The following PICK1 variants were observed in gnomAD, a reference collection of about 807,000 sequenced individuals.
PICK1 encodes PRKCA-binding protein.
Under a neutral mutation model 48.9 loss-of-function variants are expected in PICK1, and 23 were observed. That is an observed-to-expected ratio of 0.47 (90% CI 0.34 to 0.67). The LOEUF (loss-of-function observed/expected upper bound fraction) is 0.67, where lower values mean the gene tolerates loss of function less well. PICK1 is among the 30% of genes least tolerant of loss of function. The pLI, the probability that PICK1 is intolerant of heterozygous loss-of-function variation, is 0.01. For synonymous variants in PICK1, 217 were observed against 228.2 expected (o/e 0.95, Z 0.44); for missense variants, 423 against 557.1 (o/e 0.76, Z 2.42).
At chr22:38,069,182 G>C (rs2145874889) in intron 6 of PICK1, 60 bp downstream of exon 6, 1 of 1,265,886 alleles carries the variant, frequency 7.9e-7, no homozygotes, top group South Asian at 1.3e-5. Flanking sequence ...GAGAAGAGTG[G>C]GGGGCACCAT....
intron 6 of PICK1, 115 bp from the exon 7 acceptor site, chr22:38,070,723 G>A (rs1255024105): frequency 1.1e-6 from 1 of 886,192 alleles, no homozygotes; most frequent in Non-Finnish European, 1.9e-6. Context: ...TGGGACCCCT[G>A]ATCTTTCCCT....
At chr22:38,072,388 G>C (rs1434040794) in intron 8 of PICK1, 89 bp from the exon 9 acceptor site, 1 of 1,510,702 alleles carries the variant, frequency 6.6e-7, no homozygotes, top group Admixed American at 1.8e-5. Flanking sequence ...CAGCCTGCCA[G>C]GCCCCCTGCC....
rs745458781 is a variant in PICK1, at chr22:38,072,485, G to T, written c.565G>T (p.Asp189Tyr). The T allele has an allele frequency of 1.9e-6, 3 of 1,613,106 alleles. No homozygotes were observed. The highest frequency in any genetic ancestry group is 3.3e-5 in the Admixed American group (2 of 60,024). Residue 189 changes from aspartate to tyrosine, a missense_variant, in exon 9 of 13, where the codon GAC (aspartate) becomes TAC (tyrosine). This residue lies in a region of PICK1 where 279 missense variants were observed against 417.8 expected (regional missense o/e 0.67). Transcript: ENST00000356976. ...GCAAACTTGTCCTGCAGCCTTTGGG[G>T]ACGTGTTCTCCGTGATCGGGGTGCG... ...ELSQTHRAFGDVFSVIGVREP... is the reference protein window; with the variant it reads ...ELSQTHRAFGYVFSVIGVREP...
rs1301048386 is a variant in PICK1 at position 38,075,576 on chromosome 22, C to T, written c.*444C>T. Reference sequence around the variant, plus strand: ...TGGGCACCCTTGCCTCGCCCCAGACCGGCCCGTCCAGTCCCCATCACACCT... The same window carrying T: ...TGGGCACCCTTGCCTCGCCCCAGACTGGCCCGTCCAGTCCCCATCACACCT... On this transcript the variant is annotated 3_prime_UTR_variant, in exon 13 of 13. Transcript: ENST00000356976. The T allele has an allele frequency of 2.3e-5, 4 of 177,564 alleles. No individual in the cohort carries two copies. Among genetic ancestry groups the T allele is most frequent in the Admixed American group, 5.4e-5 (1 of 18,426 alleles). The allele number at this position is 177,564 out of a possible 1,614,324, so 11.0% of individuals were successfully genotyped here. A position where few individuals can be genotyped will look rare whatever the true frequency, so the allele number is the denominator to read the frequency against.
chr22:38,063,232 C>T (rs1310744382), intron 3 of PICK1, among the ~76,000 whole-genome samples: 1 of 151,982 alleles, frequency 6.6e-6, no homozygotes, highest in Middle Eastern at 3.4e-3. Context: ...TCATGGCTCA[C>T]TGCAGCCTCA....
chr22:38,060,892 G>A (rs940975140), intron 3 of PICK1, among the ~76,000 whole-genome samples: 4 of 151,890 alleles, frequency 2.6e-5, no homozygotes, highest in African/African-American at 9.7e-5. Flanking sequence ...GGTATTACAG[G>A]TGTGCGCCAT....
Position 38,075,140 on chromosome 22 carries a change from G to A in PICK1, c.*8G>A, listed in dbSNP as rs377080218. 1.2e-3 allele frequency: 1,983 copies of A among 1,605,782 alleles called. 49 individuals carry two copies. In the South Asian group the frequency reaches 0.02, roughly 17 times the overall value. ...AGCTGGTGTGACTCCTGAGTGCCCCGCGGCTGTGGTGCCGGGGGCAGGGTG... is the reference window on the plus strand; with the variant it reads ...AGCTGGTGTGACTCCTGAGTGCCCCACGGCTGTGGTGCCGGGGGCAGGGTG... On this transcript the variant is annotated 3_prime_UTR_variant, in exon 13 of 13. Transcript: ENST00000356976.
rs1215378407 is a variant in PICK1 at position 38,066,302 on chromosome 22, G to C, written c.282+1172G>C. On this transcript the variant is annotated intron_variant, in intron 4 of 12. Coordinates refer to ENST00000356976, the MANE Select transcript of PICK1 (RefSeq NM_012407.4). The surrounding 1 kb of genome is among the most constrained non-coding windows in gnomAD (Gnocchi z 4.1). ...AGGTGCAGGGGGTCTCGTTCTGGCC[G>C]AGTTGGGTTGTGTGTGCCCCATTTG... is the stretch of plus-strand genomic sequence containing the variant. Among the ~76,000 whole-genome samples, 1 of 152,182 alleles carries C rather than the reference G, an allele frequency of 6.6e-6. No individual in the cohort carries two copies. Among genetic ancestry groups the C allele is most frequent in the African/African-American group, 2.4e-5 (1 of 41,442 alleles).
Position 38,075,106 on chromosome 22 carries a change from A to G in PICK1, c.1222A>G (p.Lys408Glu). ...DTRGAAGPLD[K>E]GGSWCDS ...ACGAGGGGCTGCTGGGCCCTTGGAC[A>G]AGGGTGGAAGCTGGTGTGACTCCTG... The change falls in exon 13 of 13, where the codon AAG becomes GAG. Residue 408 changes from lysine (K) to glutamate (E), a missense_variant. Coordinates refer to ENST00000356976, the MANE Select transcript of PICK1 (RefSeq NM_012407.4). 1 of 1,612,294 alleles carries G rather than the reference A, an allele frequency of 6.2e-7. No homozygotes were observed. Among genetic ancestry groups the G allele is most frequent in the Non-Finnish European group, 8.5e-7 (1 of 1,179,880 alleles).
intron 2 of PICK1, chr22:38,058,114 GC>G (rs764001115): frequency 3.7e-6 from 2 of 540,086 alleles, no homozygotes; most frequent in Non-Finnish European, 6.7e-6. Flanking sequence ...CAGTGCTTCT[GC>G]TGGGATGGTC....
At chr22:38,057,951 A>T in intron 2 of PICK1, 101 bp downstream of exon 2, 1 of 974,020 alleles carries the variant, frequency 1.0e-6, no homozygotes, top group South Asian at 1.3e-5. Flanking sequence ...TCAGCGGTGG[A>T]TCAGTTGTTG....
Position 38,075,060 on chromosome 22 carries a change from T to C in PICK1, c.1176T>C (p.Ala392=), listed in dbSNP as rs1194226484. 1 of 1,612,846 alleles carries C rather than the reference T, an allele frequency of 6.2e-7. No individual in the cohort carries two copies. The highest frequency in any genetic ancestry group is 1.3e-5 in the African/African-American group (1 of 74,898). The stretch of plus-strand genomic sequence containing the variant: ...AGGAGGAGGAGGAAGACACGGCAGC[T>C]GGGGAGCCGTCCAGGGATACACGAG... ...EEEEEEEDTA[A]GEPSRDTRGA... is the part of the protein sequence containing the mutation. Residue 392 remains alanine, a synonymous_variant, in exon 13 of 13, where the codon GCT becomes GCC. Coordinates refer to ENST00000356976, the MANE Select transcript of PICK1 (RefSeq NM_012407.4).
chr22:38,068,395 G>T (rs12159858), intron 5 of PICK1, among the ~76,000 whole-genome samples: 2,740 of 152,278 alleles, frequency 0.018, 74 homozygotes, highest in African/African-American at 0.063. Flanking sequence ...CAGAGAGGGC[G>T]CTGCAGCCCC....
intron 4 of PICK1, chr22:38,067,487 T>C (rs920760515): frequency 1.2e-5 from 6 of 511,510 alleles, no homozygotes; most frequent in African/African-American, 1.2e-4. Context: ...TTTTGTATTT[T>C]TAATAGAGAT....
intron 8 of PICK1, 57 bp from the exon 9 acceptor site, chr22:38,072,420 C>T (rs2085720015): frequency 6.3e-7 from 1 of 1,596,850 alleles, no homozygotes; most frequent in Admixed American, 1.7e-5. Context: ...CAACAAACCC[C>T]TGGCTTCTCT....
chr22:38,072,272 G>A (rs994519140), intron 8 of PICK1, among the ~76,000 whole-genome samples: 5 of 152,196 alleles, frequency 3.3e-5, no homozygotes, highest in Non-Finnish European at 5.9e-5. Context: ...GCACAGACCA[G>A]CTCTTGGAGG....
At chr22:38,072,012 C>A in intron 8 of PICK1, 1 of 543,458 alleles carries the variant, frequency 1.8e-6, no homozygotes, top group Non-Finnish European at 3.3e-6. Context: ...ATATTTCTGA[C>A]AACCTGTAAC....
intron 9 of PICK1, 115 bp downstream of exon 9, chr22:38,072,725 G>C (rs1009090304): frequency 2.6e-5 from 38 of 1,449,806 alleles, no homozygotes; most frequent in Non-Finnish European, 3.5e-5. Flanking sequence ...CTCTGGCTCA[G>C]TCACCCACAC....
chr22:38,073,865 C>G lies in PICK1; in HGVS notation c.834+42C>G. 3.8e-6 allele frequency: 6 copies of G among 1,597,262 alleles called. No individual in the cohort carries two copies. The highest frequency in any genetic ancestry group is 5.1e-6 in the Non-Finnish European group (6 of 1,165,340). On this transcript the variant is annotated intron_variant, in intron 11 of 12. Transcript: ENST00000356976. This position sits in a 1 kb window ranked among gnomAD's most constrained non-coding sequence, Gnocchi z 5.7. The stretch of plus-strand genomic sequence containing the variant: ...GTGGGGGGCTTGTACTTCCCCCCAC[C>G]TGGTCTGCCAGGGATAGCAGGTGGC...
Sources: gnomAD v4.1 joint callset for allele counts (sites outside exome capture counted in the v4.1 genomes callset) on GRCh38, gnomAD v4.1.1 for gene constraint, gnomAD v4.1.1 regional missense constraint, Gnocchi (gnomAD v3.1) non-coding constraint, MANE v1.5 for transcripts, NCBI Gene and HGNC (gene_info 2026-07-23, HGNC 2026-07-21) for gene names.